Variants in PHF14 observed in about 807,000 individuals in gnomAD.
PHF14 encodes the protein PHD finger protein 14.
Under a neutral mutation model 117.9 loss-of-function variants are expected in PHF14, and 55 were observed. The ratio of observed to expected loss-of-function variants is 0.47; its 90% CI spans 0.38 to 0.58. The LOEUF is 0.58. PHF14 is among the 20% of genes least tolerant of loss of function. The probability of loss-of-function intolerance (pLI) is 0.00; values close to 1 mark genes in which losing one functional copy is unlikely to be tolerated. For synonymous variants in PHF14, 409 were observed against 368.6 expected (o/e 1.11, Z -1.26); for missense variants, 978 against 1,122.2 (o/e 0.87, Z 1.84).
chr7:11,105,070 A>G (rs891834579), intron 16 of PHF14: 2 of 922,196 alleles, frequency 2.2e-6, no homozygotes, highest in African/African-American at 3.6e-5. Context: ...AAACAGCACT[A>G]TTTTAGATAC....
chr7:11,122,376 C>CACACACACATACAT (rs1562476442), intron 17 of PHF14, among the ~76,000 whole-genome samples: 1 of 112,276 alleles, frequency 8.9e-6, no homozygotes, highest in Non-Finnish European at 1.8e-5. Context: ...CACACACACA[C>CACACACACATACAT]ACACACACAT....
At chr7:11,157,070 C>T (rs1437339720) in intron 17 of PHF14, among the ~76,000 whole-genome samples, 1 of 152,140 alleles carries the variant, frequency 6.6e-6, no homozygotes, top group African/African-American at 2.4e-5. Flanking sequence ...ACCTGATGCA[C>T]TTTATTATAT....
intron 1 of PHF14, among the ~76,000 whole-genome samples, chr7:10,974,579 G>A (rs925113224): frequency 3.9e-5 from 6 of 152,166 alleles, no homozygotes; most frequent in Non-Finnish European, 7.4e-5. Context: ...GAGCAAGAGG[G>A]TCAGCTTCGA....
In PHF14 at chr7:10,976,776, T is replaced by C. The variant is rs118099360; in HGVS notation, c.112+1831T>C. On this transcript the variant is annotated intron_variant, in intron 2 of 17. Coordinates refer to ENST00000634607, the MANE Select transcript of PHF14 (RefSeq NM_001007157.2). ...GGATGAGTTTTGTTAGGTTGATATA[T>C]CTATATATCCCTTAAACACACTAAA... 3.8e-4 allele frequency among the ~76,000 whole-genome samples: 57 copies of C among 151,166 alleles called. 1 individual carries two copies. Among genetic ancestry groups the C allele is most frequent in the Admixed American group, 5.9e-4 (9 of 15,134 alleles).
At chr7:11,082,838 C>T (rs769766951) in intron 16 of PHF14, among the ~76,000 whole-genome samples, 12 of 152,176 alleles carry the variant, frequency 7.9e-5, no homozygotes, top group Non-Finnish European at 1.5e-4. Context: ...GATTTCTCTT[C>T]AAATAGCCTA....
chr7:10,986,740 G>GT (rs1214621955), intron 3 of PHF14, among the ~76,000 whole-genome samples: 3 of 152,130 alleles, frequency 2.0e-5, no homozygotes, highest in Non-Finnish European at 4.4e-5. Context: ...GTTTTCTGAG[G>GT]TAAGTTTTTT....
At chr7:11,061,754 A>G in intron 14 of PHF14, 37 bp from the exon 15 acceptor site, 1 of 1,457,712 alleles carries the variant, frequency 6.9e-7, no homozygotes. Flanking sequence ...TATACTGTGG[A>G]TTTTTGTTTT....
intron 17 of PHF14, among the ~76,000 whole-genome samples, chr7:11,115,356 C>G (rs1053039679): frequency 6.6e-6 from 1 of 152,008 alleles, no homozygotes; most frequent in African/African-American, 2.4e-5. Context: ...TACAAAATGA[C>G]TCATTAAATT....
In PHF14 at chr7:10,999,092, C is replaced by T. The variant is rs184774065; in HGVS notation, c.1045+8245C>T. ...AAGTGATGGAGTGCCCCAGGCTTGC[C>T]TCAAACTCCTGGGCTCAAACAATCT... On this transcript the variant is annotated intron_variant, in intron 4 of 17. Transcript: ENST00000634607. 6.6e-4 allele frequency among the ~76,000 whole-genome samples: 100 copies of T among 152,240 alleles called. 1 individual carries two copies. Among genetic ancestry groups the T allele is most frequent in the Admixed American group, 3.3e-3 (50 of 15,288 alleles).
chr7:11,058,088 A>G (rs1785083298), intron 14 of PHF14, among the ~76,000 whole-genome samples: 1 of 152,172 alleles, frequency 6.6e-6, no homozygotes, highest in South Asian at 2.1e-4. Flanking sequence ...CTTCTTCCAC[A>G]TATTATTTTC....
intron 17 of PHF14, among the ~76,000 whole-genome samples, chr7:11,150,485 A>T (rs527955897): frequency 6.6e-6 from 1 of 152,174 alleles, no homozygotes; most frequent in Non-Finnish European, 1.5e-5. Context: ...AATTCACGAC[A>T]TAACTACTGA....
chr7:11,007,092 G>A (rs1383728241), intron 4 of PHF14, among the ~76,000 whole-genome samples: 1 of 151,836 alleles, frequency 6.6e-6, no homozygotes, highest in Non-Finnish European at 1.5e-5. Context: ...CAGGAGAATC[G>A]CTTGAACCCA....
intron 6 of PHF14, 48 bp from the exon 7 acceptor site, chr7:11,028,633 G>A (rs1583386964): frequency 6.3e-7 from 1 of 1,584,710 alleles, no homozygotes; most frequent in Non-Finnish European, 8.7e-7. Flanking sequence ...GCAGTCTTTA[G>A]TCTGGAAATA....
intron 16 of PHF14, among the ~76,000 whole-genome samples, chr7:11,067,602 T>C (rs1785466534): frequency 6.6e-6 from 1 of 152,254 alleles, no homozygotes; most frequent in South Asian, 2.1e-4. Context: ...GTAGTGTATA[T>C]ATGTATATTC....
At chr7:11,110,267 G>C (rs529223964) in intron 16 of PHF14, 1 of 151,658 alleles carries the variant, frequency 6.6e-6, no homozygotes, top group Non-Finnish European at 1.5e-5. Flanking sequence ...TTTTCCCCTT[G>C]GTTTCTTAAT....
intron 16 of PHF14, chr7:11,104,168 T>A: frequency 1.0e-6 from 1 of 984,424 alleles, no homozygotes; most frequent in South Asian, 4.7e-5. Context: ...TTAATCAAAA[T>A]CCTTTTCACT....
At chr7:11,063,818 G>A (rs1249455918) in intron 16 of PHF14, 4 of 316,156 alleles carry the variant, frequency 1.3e-5, no homozygotes, top group Non-Finnish European at 1.8e-5. Flanking sequence ...TTTTTGAATA[G>A]TATTACTCTA....
At chr7:11,085,689 G>C (rs1375354836) in intron 16 of PHF14, among the ~76,000 whole-genome samples, 1 of 151,792 alleles carries the variant, frequency 6.6e-6, no homozygotes, top group Non-Finnish European at 1.5e-5. Context: ...TGTTACCCAG[G>C]CTGGAGTGCG....
chr7:10,995,631 C>T (rs1782615956), intron 4 of PHF14, among the ~76,000 whole-genome samples: 1 of 152,188 alleles, frequency 6.6e-6, no homozygotes, highest in Non-Finnish European at 1.5e-5. Flanking sequence ...TCAGGCCACG[C>T]AGGAGCCCAT....
Sources: gnomAD v4.1 joint callset for allele counts (sites outside exome capture counted in the v4.1 genomes callset) on GRCh38, gnomAD v4.1.1 for gene constraint, MANE v1.5 for transcripts, NCBI Gene and HGNC (gene_info 2026-07-23, HGNC 2026-07-21) for gene names.